CHD9: variants seen among roughly 807,000 people sequenced by gnomAD.
CHD9 encodes chromodomain helicase DNA binding protein 9.
A neutral mutation model predicts 316.1 loss-of-function variants in CHD9; 77 were observed. The ratio of observed to expected loss-of-function variants is 0.24; its 90% CI spans 0.20 to 0.29. The LOEUF (loss-of-function observed/expected upper bound fraction) is 0.29, where lower values mean the gene tolerates loss of function less well. CHD9 is among the 10% of genes least tolerant of loss of function. CHD9 has a pLI of 1.00. For synonymous variants in CHD9, 1,129 were observed against 1,158.3 expected, an observed-to-expected ratio of 0.97 and a Z score of 0.51; for missense variants, 2,763 against 3,438.1, an observed-to-expected ratio of 0.80 and a Z score of 4.91.
chr16:53,267,778 C>T, intron 21 of CHD9, 149 bp from the exon 22 acceptor site: 2 of 652,348 alleles, frequency 3.1e-6, no homozygotes, highest in East Asian at 5.5e-5. Flanking sequence ...AATTACTATA[C>T]CATTCCTCTA....
intron 1 of CHD9, among the ~76,000 whole-genome samples, chr16:53,147,123 A>G (rs961988804): frequency 2.0e-5 from 3 of 152,172 alleles, no homozygotes; most frequent in Non-Finnish European, 4.4e-5. Flanking sequence ...TATGTAAACT[A>G]TAGAATGTTA....
intron 1 of CHD9, among the ~76,000 whole-genome samples, chr16:53,093,679 G>C (rs1202391472): frequency 6.6e-6 from 1 of 152,152 alleles, no homozygotes; most frequent in Non-Finnish European, 1.5e-5. Flanking sequence ...ATCAGGCAAA[G>C]GCGGTATGAT....
intron 34 of CHD9, among the ~76,000 whole-genome samples, chr16:53,314,113 C>T (rs2056696781): frequency 6.6e-6 from 1 of 151,826 alleles, no homozygotes; most frequent in Admixed American, 6.6e-5. Context: ...AAAAGGCATG[C>T]TTCCTTCTCC....
chr16:53,303,322 T>C (rs1448141213), intron 30 of CHD9, among the ~76,000 whole-genome samples: 5 of 152,014 alleles, frequency 3.3e-5, no homozygotes, highest in Non-Finnish European at 7.4e-5. Flanking sequence ...ACACTTCTAA[T>C]TTATAAGTGA....
chr16:53,207,105 A>G (rs1375903624), intron 2 of CHD9, among the ~76,000 whole-genome samples: 1 of 152,190 alleles, frequency 6.6e-6, no homozygotes, highest in Non-Finnish European at 1.5e-5. Flanking sequence ...AGAGGGGAGA[A>G]CCCAATGTTG....
chr16:53,279,309 A>G (rs917276582), intron 24 of CHD9, among the ~76,000 whole-genome samples: 7 of 151,372 alleles, frequency 4.6e-5, no homozygotes, highest in Admixed American at 1.3e-4. Context: ...GAATTGAACA[A>G]TGAGAACACT....
At chr16:53,202,329 C>G (rs917108290) in intron 2 of CHD9, among the ~76,000 whole-genome samples, 1 of 151,806 alleles carries the variant, frequency 6.6e-6, no homozygotes, top group East Asian at 1.9e-4. Context: ...ACTTAGAAAA[C>G]ATATAAACCA....
intron 2 of CHD9, among the ~76,000 whole-genome samples, chr16:53,206,014 A>G (rs963263641): frequency 4.6e-5 from 7 of 151,994 alleles, no homozygotes; most frequent in African/African-American, 1.4e-4. Context: ...GTGCAATGGC[A>G]TTATCTCTGC....
chr16:53,137,484 T>C (rs944039211), intron 1 of CHD9, among the ~76,000 whole-genome samples: 1 of 152,208 alleles, frequency 6.6e-6, no homozygotes, highest in Non-Finnish European at 1.5e-5. Context: ...TGTTCAACTT[T>C]AGCAGTAATG....
chr16:53,317,819 C>G (rs949174703), intron 36 of CHD9, among the ~76,000 whole-genome samples: 12 of 152,032 alleles, frequency 7.9e-5, no homozygotes, highest in Non-Finnish European at 1.8e-4. Flanking sequence ...TTTGGGAGGC[C>G]TAGGCGGGAG....
At chr16:53,184,915 T>C (rs1463006199) in intron 2 of CHD9, among the ~76,000 whole-genome samples, 1 of 152,174 alleles carries the variant, frequency 6.6e-6, no homozygotes, top group African/African-American at 2.4e-5. Context: ...CCTGCCACCA[T>C]GTGAAGAAGG....
intron 29 of CHD9, among the ~76,000 whole-genome samples, chr16:53,295,818 G>C (rs1421276535): frequency 6.6e-6 from 1 of 152,132 alleles, no homozygotes. Flanking sequence ...AATCCTGTGA[G>C]TTAAGCAAGG....
intron 2 of CHD9, among the ~76,000 whole-genome samples, chr16:53,191,520 T>C (rs1363283279): frequency 1.2e-4 from 19 of 152,154 alleles, no homozygotes; most frequent in Non-Finnish European, 1.3e-4. Context: ...GTAAACGTTA[T>C]CATACAGTTT....
intron 24 of CHD9, among the ~76,000 whole-genome samples, chr16:53,281,479 A>G (rs2053412575): frequency 6.6e-6 from 1 of 152,114 alleles, no homozygotes; most frequent in African/African-American, 2.4e-5. Context: ...TGGCCTCGTA[A>G]CTGATTCTGT....
rs534341473 is a variant in CHD9 at position 53,105,849 on chromosome 16, G to A, written c.-164-50077G>A. On this transcript the variant is annotated intron_variant, in intron 1 of 38. Transcript: ENST00000447540. ...TTTTTTTTTTTTTTTTTGAGACTGA[G>A]TTTCACTCCTGTTTCTCAGGCTGGA... Among the ~76,000 whole-genome samples the A allele has an allele frequency of 2.0e-5, 3 of 147,428 alleles. No individual in the cohort carries two copies. The East Asian group carries it at 6.0e-4, about 29-fold the overall frequency.
chr16:53,160,132 T>C (rs1330597611), intron 2 of CHD9, among the ~76,000 whole-genome samples: 1 of 152,222 alleles, frequency 6.6e-6, no homozygotes, highest in East Asian at 1.9e-4. Context: ...GGTGCATCTA[T>C]CTACTTTGTA....
intron 1 of CHD9, among the ~76,000 whole-genome samples, chr16:53,113,364 C>CT (rs35792251): frequency 0.22 from 25,050 of 115,910 alleles, 3,766 homozygotes; most frequent in South Asian, 0.32. Flanking sequence ...AATCTTGGCA[C>CT]TTTTTTTTTT....
intron 13 of CHD9, among the ~76,000 whole-genome samples, chr16:53,243,989 G>A (rs1018447819): frequency 6.6e-6 from 1 of 151,948 alleles, no homozygotes; most frequent in African/African-American, 2.4e-5. Flanking sequence ...ATGGTTTCCT[G>A]TTTATCTTTC....
intron 2 of CHD9, among the ~76,000 whole-genome samples, chr16:53,171,390 G>A (rs1049191454): frequency 8.5e-5 from 13 of 152,152 alleles, no homozygotes; most frequent in African/African-American, 3.1e-4. Context: ...CTGCACTCCA[G>A]CCTGGGCAAC....
Sources: gnomAD v4.1 joint callset for allele counts (sites outside exome capture counted in the v4.1 genomes callset) on GRCh38, gnomAD v4.1.1 for gene constraint, MANE v1.5 for transcripts, NCBI Gene and HGNC (gene_info 2026-07-23, HGNC 2026-07-21) for gene names.